Variants in PRAMEF4 observed in about 807,000 individuals in gnomAD.
PRAMEF4 encodes the protein PRAME family member 4.
Under a neutral mutation model 34.4 loss-of-function variants are expected in PRAMEF4, and 18 were observed. The observed-to-expected ratio is 0.52, with a 90% CI of 0.36 to 0.78. The LOEUF is 0.78. Ranked by LOEUF, PRAMEF4 falls within the 30% of genes least tolerant of loss-of-function variation. The probability of loss-of-function intolerance (pLI) is 0.00; values close to 1 mark genes in which losing one functional copy is unlikely to be tolerated. For missense variants in PRAMEF4, 482 were observed against 569.1 expected (o/e 0.85, Z 1.56); for synonymous variants, 156 against 219.3 (o/e 0.71, Z 2.55).
intron 3 of PRAMEF4, among the ~76,000 whole-genome samples, chr1:12,880,571 G>C (rs1271230523): frequency 3.4e-5 from 5 of 147,562 alleles, no homozygotes; most frequent in African/African-American, 1.0e-4. Context: ...GAGAGACTCT[G>C]TATTAAAAAA....
intron 3 of PRAMEF4, among the ~76,000 whole-genome samples, 193 bp from the exon 4 acceptor site, chr1:12,880,298 C>T (rs552198619): frequency 6.0e-5 from 9 of 150,796 alleles, no homozygotes; most frequent in African/African-American, 1.7e-4. Context: ...ACTTTAGACC[C>T]GGCCCAGTAA....
At chr1:12,884,868 C>A (rs1028902790) in intron 1 of PRAMEF4, among the ~76,000 whole-genome samples, 6 of 150,154 alleles carry the variant, frequency 4.0e-5, no homozygotes, top group South Asian at 2.1e-4. Context: ...AGGACTCATT[C>A]ACTGATTCCC....
chr1:12,880,587 A>G (rs1439982236), intron 3 of PRAMEF4, among the ~76,000 whole-genome samples: 1 of 148,766 alleles, frequency 6.7e-6, no homozygotes. Flanking sequence ...AAAAAAAAAA[A>G]GGAGAAAAAA....
chr1:12,882,084 A>G lies in PRAMEF4; in HGVS notation c.645T>C (p.Asn215=). 6.3e-7 allele frequency: 1 copy of G among 1,587,092 alleles called. No homozygotes were observed. The highest frequency in any genetic ancestry group is 8.5e-7 in the Non-Finnish European group (1 of 1,172,352). The change falls in exon 3 of 4, where the codon AAT becomes AAC. Residue 215 remains asparagine, a synonymous_variant. Transcript: ENST00000235349. ...TCAGGATGGGCAGTACCCACTTGCA[A>G]TTCACTTCCACCTCCTGGATACAGT... ...NLDCIQEVEV[N]CKWVLPILTQ...
rs1640971285 is a variant in PRAMEF4, at chr1:12,884,950, T to C, written c.-17+1197A>G. Among the ~76,000 whole-genome samples the C allele has an allele frequency of 2.0e-5, 3 of 150,402 alleles. 1 individual carries two copies. Among genetic ancestry groups the C allele is most frequent in the Non-Finnish European group, 4.4e-5 (3 of 67,780 alleles). On this transcript the variant is annotated intron_variant, in intron 1 of 3. Coordinates refer to ENST00000235349, the MANE Select transcript of PRAMEF4 (RefSeq NM_001009611.4). Reference sequence around the variant, plus strand: ...GTGTGAGACAGGGAAGGGTTGAATCTCTTCCTGATATTAGACAGAAAGAAA... The same window carrying C: ...GTGTGAGACAGGGAAGGGTTGAATCCCTTCCTGATATTAGACAGAAAGAAA...
At chr1:12,880,883 ATGCAT>A (rs1461745826) in intron 3 of PRAMEF4, among the ~76,000 whole-genome samples, 1 of 146,282 alleles carries the variant, frequency 6.8e-6, no homozygotes, top group Non-Finnish European at 1.5e-5. Context: ...TTTCAGAATC[ATGCAT>A]TGCCTAGATA....
Position 12,883,172 on chromosome 1 carries a change from G to A in PRAMEF4, c.223C>T (p.Pro75Ser). ...ACAGCTTGGAAGGCCTCCAGACAAGGCATCTTTATCAGAGGCCTCAGAGGG... is the reference window on the plus strand; with the variant it reads ...ACAGCTTGGAAGGCCTCCAGACAAGACATCTTTATCAGAGGCCTCAGAGGG... ...RLPLRPLIKMPCLEAFQAVLD... is the reference protein window; with the variant it reads ...RLPLRPLIKMSCLEAFQAVLD... Residue 75 changes from proline (P) to serine (S), a missense_variant, in exon 2 of 4, where the codon CCT becomes TCT. Transcript: ENST00000235349. 1.1e-5 allele frequency: 18 copies of A among 1,601,172 alleles called. 1 individual carries two copies. The highest frequency in any genetic ancestry group is 1.7e-5 in the Admixed American group (1 of 57,672).
rs182396900 is a variant in PRAMEF4, at chr1:12,880,999, C to G, written c.875+855G>C. ...GTGGGGCACAAAGCTGATTTTCTGACAAGTGCAGGTTTGCTGAACATTCCC... is the reference window on the plus strand; with the variant it reads ...GTGGGGCACAAAGCTGATTTTCTGAGAAGTGCAGGTTTGCTGAACATTCCC... On this transcript the variant is annotated intron_variant, in intron 3 of 3. Coordinates refer to ENST00000235349, the MANE Select transcript of PRAMEF4 (RefSeq NM_001009611.4). Among the ~76,000 whole-genome samples the G allele has an allele frequency of 5.3e-3, 787 of 147,564 alleles. 132 individuals are homozygous for G. The highest frequency in any genetic ancestry group is 0.052 in the Admixed American group (736 of 14,290).
In PRAMEF4 at chr1:12,883,113, C is replaced by T. The variant is rs775374144; in HGVS notation, c.282G>A (p.Gly94=). 10 of 1,601,284 alleles carry T rather than the reference C, an allele frequency of 6.2e-6. 1 individual carries two copies. Among genetic ancestry groups the T allele is most frequent in the Non-Finnish European group, 8.5e-6 (10 of 1,174,182 alleles). ...CTGGGCCACCTCACCTGGGACGAAC[C>T]CCTAGGTTAAGCAGTGCATCCAGCC... The part of the protein sequence containing the change: ...LDGLDALLNL[G]VRPRRWKLQV... Residue 94 remains glycine (G), a synonymous_variant, in exon 2 of 4, where the codon GGG becomes GGA. Transcript: ENST00000235349.
At position 12,880,119 on chromosome 1, in the gene PRAMEF4, G is replaced by GAA; in HGVS notation, c.876-15_876-14insTT. ...GTCTTCAGACAGCTGGGGAGAGAGA[G>GAA]CAAGAAGTTAATTCTGGGGAATCAT... is the stretch of plus-strand genomic sequence containing the variant. On this transcript the variant is annotated splice_polypyrimidine_tract_variant and intron_variant, in intron 3 of 3. Transcript: ENST00000235349. The GAA allele has an allele frequency of 6.5e-7, 1 of 1,531,318 alleles. No homozygotes were observed. Among genetic ancestry groups the GAA allele is most frequent in the African/African-American group, 1.4e-5 (1 of 70,034 alleles). 94.9% of individuals were successfully genotyped at this position (1,531,318 alleles called of 1,614,324 possible). A position where few individuals can be genotyped will look rare whatever the true frequency, so the allele number is the denominator to read the frequency against.
rs1640924075 is a variant in PRAMEF4, at chr1:12,883,107, A to C, written c.288T>G (p.Arg96=). 2.4e-5 allele frequency: 39 copies of C among 1,600,912 alleles called. 1 individual carries two copies. Among genetic ancestry groups the C allele is most frequent in the Non-Finnish European group, 3.3e-5 (39 of 1,174,160 alleles). ...GCCCACCTGGGCCACCTCACCTGGG[A>C]CGAACCCCTAGGTTAAGCAGTGCAT... ...GLDALLNLGV[R]PRRWKLQVLD... is the part of the protein sequence containing the mutation. Residue 96 remains arginine (R), a synonymous_variant, in exon 2 of 4, where the codon CGT becomes CGG. Coordinates refer to ENST00000235349, the MANE Select transcript of PRAMEF4 (RefSeq NM_001009611.4).
rs1390334570 is a variant in PRAMEF4, at chr1:12,881,863, T to C, written c.866A>G (p.Gln289Arg). 1.3e-6 allele frequency: 2 copies of C among 1,594,624 alleles called. No homozygotes were observed. The highest frequency in any genetic ancestry group is 1.7e-6 in the Non-Finnish European group (2 of 1,172,934). Residue 289 changes from glutamine to arginine, a missense_variant, in exon 3 of 4, where the codon CAG becomes CGG. By Grantham distance (43) the Gln-to-Arg change is conservative. Around this residue, in one of 6 missense-constraint regions of PRAMEF4, gnomAD observed 35 missense variants for 109.2 expected, o/e 0.32. Coordinates refer to ENST00000235349, the MANE Select transcript of PRAMEF4 (RefSeq NM_001009611.4). ...CACCACCCTCCCTCACCTGAGCAGCTGGTCCAGGTGGCCTTCGAGGAAAGA... is the reference window on the plus strand; with the variant it reads ...CACCACCCTCCCTCACCTGAGCAGCCGGTCCAGGTGGCCTTCGAGGAAAGA... ...SVSFLEGHLD[Q>R]LLSCLKTSLK...
chr1:12,880,552 G>T (rs1052978800), intron 3 of PRAMEF4, among the ~76,000 whole-genome samples: 4 of 149,530 alleles, frequency 2.7e-5, no homozygotes, highest in Admixed American at 6.8e-5. Context: ...CTCCAGCCTG[G>T]GTGACAGAGA....
At chr1:12,883,076 C>T (rs1391635757) in intron 2 of PRAMEF4, 26 bp downstream of exon 2, 1 of 1,599,442 alleles carries the variant, frequency 6.3e-7, no homozygotes, top group Non-Finnish European at 8.5e-7. Flanking sequence ...TGGGCCCTCC[C>T]CACCAGCCCA....
In PRAMEF4 at chr1:12,882,008, G is replaced by T. The variant is rs754672193; in HGVS notation, c.721C>A (p.Leu241Ile). Reference protein sequence around the residue: ...GHMRNLQKLILSHMDVSRYVS... With the variant: ...GHMRNLQKLIISHMDVSRYVS... ...TAGCGAGAGACATCCATGTGGGAGA[G>T]AATGAGTTTCTGAAGATTCCTCATG... is the stretch of plus-strand genomic sequence containing the variant. Residue 241 changes from leucine (L) to isoleucine (I), a missense_variant, in exon 3 of 4, where the codon CTC (leucine) becomes ATC (isoleucine). This residue lies in a region of PRAMEF4 where 81 missense variants were observed against 73.1 expected (regional missense o/e 1.11). Coordinates refer to ENST00000235349, the MANE Select transcript of PRAMEF4 (RefSeq NM_001009611.4). The T allele has an allele frequency of 3.1e-6, 5 of 1,591,180 alleles. 1 individual carries two copies. Among genetic ancestry groups the T allele is most frequent in the Admixed American group, 1.7e-5 (1 of 57,486 alleles).
chr1:12,883,937 C>G (rs1288564984), intron 1 of PRAMEF4, among the ~76,000 whole-genome samples: 2 of 140,518 alleles, frequency 1.4e-5, no homozygotes, highest in Admixed American at 1.5e-4. Context: ...TTCTTTCCCC[C>G]TCTCTCTCCC....
chr1:12,883,495 G>C, intron 1 of PRAMEF4, 85 bp from the exon 2 acceptor site: 2 of 1,546,966 alleles, frequency 1.3e-6, no homozygotes, highest in Middle Eastern at 2.4e-4. Context: ...CAAACTCACT[G>C]CTCTGGCAAT....
At chr1:12,882,538 C>T in intron 2 of PRAMEF4, 103 bp from the exon 3 acceptor site, 2 of 1,498,558 alleles carry the variant, frequency 1.3e-6, no homozygotes, top group South Asian at 1.2e-5. Flanking sequence ...TCTTGTCCCT[C>T]TCTCTGACTT....
chr1:12,884,531 A>G (rs1362427455), intron 1 of PRAMEF4, among the ~76,000 whole-genome samples: 1 of 147,480 alleles, frequency 6.8e-6, no homozygotes, highest in African/African-American at 2.5e-5. Flanking sequence ...CCTGGCCAAC[A>G]TGGTAAAACC....
Sources: allele counts gnomAD v4.1 joint callset (sites outside exome capture counted in the v4.1 genomes callset), GRCh38; gene constraint gnomAD v4.1.1; regional missense constraint gnomAD v4.1.1; transcripts MANE v1.5; gene names NCBI Gene and HGNC (gene_info 2026-07-23, HGNC 2026-07-21).